ARIH1: variants seen among roughly 807,000 people sequenced by gnomAD.
ARIH1 encodes ariadne RBR E3 ubiquitin protein ligase 1, also known as E3 ubiquitin-protein ligase ARIH1.
ARIH1 carries 8 observed loss-of-function variants against 85.0 expected under a neutral mutation model. The observed-to-expected ratio is 0.09, with a 90% CI of 0.06 to 0.17. The LOEUF (loss-of-function observed/expected upper bound fraction) is 0.17, where lower values mean the gene tolerates loss of function less well. Ranked by LOEUF, ARIH1 falls within the 10% of genes least tolerant of loss-of-function variation. The pLI is 1.00. For synonymous variants in ARIH1, 238 were observed against 253.6 expected, an observed-to-expected ratio of 0.94 and a Z score of 0.59; for missense variants, 311 against 718.1, an observed-to-expected ratio of 0.43 and a Z score of 6.48.
At chr15:72,508,692 TTTC>T (rs913600845) in intron 1 of ARIH1, among the ~76,000 whole-genome samples, 5 of 151,684 alleles carry the variant, frequency 3.3e-5, no homozygotes, top group African/African-American at 1.2e-4. Context: ...TTGTTCTTTC[TTTC>T]TTTTTTTTTT....
intron 3 of ARIH1, among the ~76,000 whole-genome samples, chr15:72,546,629 C>T (rs1160898265): frequency 6.6e-6 from 1 of 151,892 alleles, no homozygotes; most frequent in Non-Finnish European, 1.5e-5. Flanking sequence ...ACCACAGGCG[C>T]ATGCCACCAT....
intron 2 of ARIH1, among the ~76,000 whole-genome samples, chr15:72,539,797 A>G (rs2064098465): frequency 6.6e-6 from 1 of 152,236 alleles, no homozygotes; most frequent in Non-Finnish European, 1.5e-5. Context: ...ACAACAGGTA[A>G]CAAGAAAATA....
At chr15:72,545,071 T>C in intron 3 of ARIH1, 107 bp downstream of exon 3, 1 of 1,034,466 alleles carries the variant, frequency 9.7e-7, no homozygotes, top group East Asian at 2.6e-5. Context: ...AGTAGTAACC[T>C]CTAAGCCATA....
intron 1 of ARIH1, among the ~76,000 whole-genome samples, chr15:72,499,567 G>C (rs2063894490): frequency 6.6e-6 from 1 of 152,094 alleles, no homozygotes; most frequent in African/African-American, 2.4e-5. Flanking sequence ...TGACATCATT[G>C]AATGTTTGTT....
intron 1 of ARIH1, among the ~76,000 whole-genome samples, chr15:72,506,919 T>C (rs1350055146): frequency 6.6e-6 from 1 of 152,134 alleles, no homozygotes; most frequent in African/African-American, 2.4e-5. Context: ...TTTGAAAAAG[T>C]AGTTGCCTCC....
At chr15:72,541,711 GGTATATAGTGAACAGATCA>G in intron 2 of ARIH1, among the ~76,000 whole-genome samples, 1 of 152,120 alleles carries the variant, frequency 6.6e-6, no homozygotes, top group Non-Finnish European at 1.5e-5. Context: ...AGGAAATTTG[GGTATATAGTGAACAGATCA>G]GTGGGGAGAG....
chr15:72,535,037 G>A (rs2064075501), intron 2 of ARIH1, among the ~76,000 whole-genome samples: 1 of 133,688 alleles, frequency 7.5e-6, no homozygotes, highest in Admixed American at 9.1e-5. Context: ...TGCAGGCTCC[G>A]CCCCCTGGGG....
rs1421059441 is a variant in ARIH1 at position 72,588,138 on chromosome 15, A to G, written c.*4846A>G. ...CCAGGAGTCTCAAACTGAAATGTCA[A>G]CAAGAGCCAAGTAAATATTTTAGAA... On this transcript the variant is annotated 3_prime_UTR_variant, in exon 14 of 14. Transcript: ENST00000379887. The G allele has an allele frequency of 6.6e-6, 1 of 152,214 alleles. No individual in the cohort carries two copies. Among genetic ancestry groups the G allele is most frequent in the Non-Finnish European group, 1.5e-5 (1 of 68,044 alleles). The allele number at this position is 152,214 out of a possible 1,614,324, so 9.4% of individuals were successfully genotyped here.
chr15:72,516,942 G>A (rs981882421), intron 1 of ARIH1, among the ~76,000 whole-genome samples: 4 of 152,140 alleles, frequency 2.6e-5, no homozygotes, highest in African/African-American at 9.7e-5. Flanking sequence ...TTCTGCTATT[G>A]TAACTAGCTC....
intron 2 of ARIH1, among the ~76,000 whole-genome samples, chr15:72,540,305 C>G (rs28602765): frequency 0.015 from 2,198 of 144,580 alleles, 54 homozygotes; most frequent in Admixed American, 0.057. Flanking sequence ...TTATATAAAA[C>G]TGTAATCAAC....
chr15:72,530,491 G>C (rs1334365785), intron 2 of ARIH1, among the ~76,000 whole-genome samples: 2 of 152,192 alleles, frequency 1.3e-5, no homozygotes, highest in Non-Finnish European at 2.9e-5. Flanking sequence ...GGGTAGTCCA[G>C]AAAACCTTAA....
intron 1 of ARIH1, 169 bp downstream of exon 1, chr15:72,475,183 A>C (rs1027413472): frequency 2.2e-6 from 3 of 1,335,866 alleles, no homozygotes; most frequent in Non-Finnish European, 2.9e-6. Context: ...TCGAAAGCAG[A>C]GGTTCGCCGA....
intron 1 of ARIH1, among the ~76,000 whole-genome samples, chr15:72,509,899 C>CTT (rs760955928): frequency 4.2e-5 from 6 of 143,366 alleles, no homozygotes; most frequent in Non-Finnish European, 6.1e-5. Flanking sequence ...CCAGCCCCAC[C>CTT]TTTTTTTTTT....
chr15:72,524,363 G>A (rs1044592791), intron 2 of ARIH1, among the ~76,000 whole-genome samples: 1 of 151,318 alleles, frequency 6.6e-6, no homozygotes, highest in Non-Finnish European at 1.5e-5. Context: ...ACAGGCGTGC[G>A]CCACCATGCC....
intron 1 of ARIH1, among the ~76,000 whole-genome samples, chr15:72,488,463 C>G (rs1413209063): frequency 6.6e-6 from 1 of 152,186 alleles, no homozygotes; most frequent in African/African-American, 2.4e-5. Flanking sequence ...AGGTTCTTCT[C>G]TACCTTTCCT....
At position 72,588,490 on chromosome 15, in the gene ARIH1, A is replaced by G. The variant is rs2064327368; in HGVS notation, c.*5198A>G. On this transcript the variant is annotated 3_prime_UTR_variant, in exon 14 of 14. Coordinates refer to ENST00000379887, the MANE Select transcript of ARIH1 (RefSeq NM_005744.5). ...AAGCCCTTTACGCATTCTCACCCCT[A>G]ATTCCAGCCGGTGATTCTCACATGC... The G allele has an allele frequency of 6.6e-6, 1 of 152,170 alleles. No individual in the cohort carries two copies. The highest frequency in any genetic ancestry group is 2.1e-4 in the South Asian group (1 of 4,830). 9.4% of individuals were successfully genotyped at this position (152,170 alleles called of 1,614,324 possible).
intron 2 of ARIH1, among the ~76,000 whole-genome samples, chr15:72,519,715 C>A (rs1343960611): frequency 2.0e-5 from 3 of 151,886 alleles, no homozygotes; most frequent in Non-Finnish European, 2.9e-5. Flanking sequence ...AACTCCCAAC[C>A]TCAGGTGATC....
At position 72,475,029 on chromosome 15, in the gene ARIH1, C is replaced by G. The variant is rs1452841949; in HGVS notation, c.375+15C>G. 9.0e-6 allele frequency: 14 copies of G among 1,550,070 alleles called. No homozygotes were observed. The highest frequency in any genetic ancestry group is 8.3e-5 in the South Asian group (7 of 84,204). ...AGGTCATCCAGGTGAGGGTGGCCGC[C>G]GCGCCAGCTGGACCGGGCCCGACGG... On this transcript the variant is annotated intron_variant, in intron 1 of 13. Coordinates refer to ENST00000379887, the MANE Select transcript of ARIH1 (RefSeq NM_005744.5).
At chr15:72,576,971 TA>T (rs1462794597) in intron 11 of ARIH1, among the ~76,000 whole-genome samples, 2 of 152,006 alleles carry the variant, frequency 1.3e-5, no homozygotes. Context: ...TGTTTTATTA[TA>T]CTGTGTGCTT....
Sources: gnomAD v4.1 joint callset for allele counts (sites outside exome capture counted in the v4.1 genomes callset) on GRCh38, gnomAD v4.1.1 for gene constraint, MANE v1.5 for transcripts, NCBI Gene and HGNC (gene_info 2026-07-23, HGNC 2026-07-21) for gene names.